The following LDLRAD4 variants were observed in gnomAD, a reference collection of about 807,000 sequenced individuals.
LDLRAD4 encodes the protein low-density lipoprotein receptor class A domain-containing protein 4.
Under a neutral mutation model 17.0 loss-of-function variants are expected in LDLRAD4, and 5 were observed. That is an observed-to-expected ratio of 0.29 (90% CI 0.15 to 0.62). The LOEUF (loss-of-function observed/expected upper bound fraction) is 0.62. LDLRAD4 is among the 20% of genes least tolerant of loss of function. The pLI is 0.84. For synonymous variants in LDLRAD4, 168 were observed against 171.8 expected (o/e 0.98, Z 0.17); for missense variants, 340 against 424.7 (o/e 0.80, Z 1.75).
At chr18:13,437,057 G>C (rs959661625) in intron 2 of LDLRAD4, among the ~76,000 whole-genome samples, 1 of 152,268 alleles carries the variant, frequency 6.6e-6, no homozygotes, top group African/African-American at 2.4e-5. Flanking sequence ...GGGCTCTCAT[G>C]GGGTAGCCCC....
chr18:13,462,058 C>A (rs11080656), intron 3 of LDLRAD4: 1 of 151,958 alleles, frequency 6.6e-6, no homozygotes, highest in Non-Finnish European at 1.5e-5. Flanking sequence ...TCCTATTCTC[C>A]TGCCTCATGG....
At chr18:13,469,899 G>C (rs1383330880) in intron 3 of LDLRAD4, among the ~76,000 whole-genome samples, 1 of 152,192 alleles carries the variant, frequency 6.6e-6, no homozygotes, top group African/African-American at 2.4e-5. Flanking sequence ...GGGATTTGGA[G>C]GCTGGCCTGG....
At chr18:13,425,829 A>G (rs959422726) in intron 2 of LDLRAD4, 2 of 152,514 alleles carry the variant, frequency 1.3e-5, no homozygotes, top group African/African-American at 4.8e-5. Context: ...GCATCAGTGA[A>G]TGAGTCTGTG....
At chr18:13,389,187 A>C (rs1398109843) in intron 2 of LDLRAD4, among the ~76,000 whole-genome samples, 1 of 152,052 alleles carries the variant, frequency 6.6e-6, no homozygotes, top group Non-Finnish European at 1.5e-5. Flanking sequence ...GTCCTTCCTC[A>C]TCCTTACTGT....
intron 3 of LDLRAD4, among the ~76,000 whole-genome samples, chr18:13,495,067 A>G (rs1453740503): frequency 1.3e-5 from 2 of 152,148 alleles, no homozygotes; most frequent in East Asian, 3.9e-4. Flanking sequence ...AAGTTTTCAC[A>G]GTGAGTGAAT....
intron 3 of LDLRAD4, among the ~76,000 whole-genome samples, chr18:13,609,167 A>T (rs942177770): frequency 6.6e-6 from 1 of 152,238 alleles, no homozygotes; most frequent in Non-Finnish European, 1.5e-5. Context: ...TCCCTCTCCC[A>T]TGCCCTTCTG....
chr18:13,530,478 C>T (rs576378060), intron 3 of LDLRAD4, among the ~76,000 whole-genome samples: 33 of 152,320 alleles, frequency 2.2e-4, no homozygotes, highest in African/African-American at 6.3e-4. Context: ...TCTTGGGCAG[C>T]GTGTCCTTCT....
chr18:13,229,678 G>A (rs2041975564), intron 1 of LDLRAD4, among the ~76,000 whole-genome samples: 2 of 152,210 alleles, frequency 1.3e-5, no homozygotes, highest in African/African-American at 2.4e-5. Flanking sequence ...AGGCCCAGAG[G>A]TGGTGGCTCT....
At chr18:13,443,383 C>A (rs1222500979) in intron 3 of LDLRAD4, among the ~76,000 whole-genome samples, 1 of 152,158 alleles carries the variant, frequency 6.6e-6, no homozygotes, top group Non-Finnish European at 1.5e-5. Context: ...GGCTCATAAC[C>A]ACATAGCCAC....
At chr18:13,636,682 TAG>T (rs2042112280) in intron 4 of LDLRAD4, among the ~76,000 whole-genome samples, 1 of 152,030 alleles carries the variant, frequency 6.6e-6, no homozygotes, top group Non-Finnish European at 1.5e-5. Context: ...GTATTTTTAG[TAG>T]AGACGGTTTT....
At chr18:13,401,899 T>C (rs1009380055) in intron 2 of LDLRAD4, among the ~76,000 whole-genome samples, 3 of 152,158 alleles carry the variant, frequency 2.0e-5, no homozygotes, top group Non-Finnish European at 4.4e-5. Flanking sequence ...CTGACTTCCC[T>C]GCTGGAAGTT....
At chr18:13,431,915 C>T (rs1259612228) in intron 2 of LDLRAD4, among the ~76,000 whole-genome samples, 4 of 152,146 alleles carry the variant, frequency 2.6e-5, no homozygotes, top group East Asian at 1.9e-4. Context: ...AGTTTATGAA[C>T]GGGAATGTCA....
chr18:13,290,175 C>T (rs1305375839), intron 1 of LDLRAD4, among the ~76,000 whole-genome samples: 1 of 152,230 alleles, frequency 6.6e-6, no homozygotes, highest in Admixed American at 6.5e-5. Context: ...TATTGTCAAA[C>T]TAGATGATTC....
intron 3 of LDLRAD4, among the ~76,000 whole-genome samples, chr18:13,564,179 G>A (rs540404033): frequency 4.6e-5 from 7 of 152,296 alleles, no homozygotes; most frequent in South Asian, 4.1e-4. Flanking sequence ...GACAGGCTCC[G>A]GCATAGGCCA....
intron 3 of LDLRAD4, among the ~76,000 whole-genome samples, chr18:13,582,340 G>A (rs767153094): frequency 6.6e-6 from 1 of 152,254 alleles, no homozygotes. Flanking sequence ...TGGACCATAA[G>A]TGGGCATCCC....
chr18:13,466,461 C>A lies in LDLRAD4; in HGVS notation c.181+28077C>A, dbSNP rs1314728282. Among the ~76,000 whole-genome samples the A allele has an allele frequency of 1.0e-3, 124 of 119,730 alleles. 2 individuals carry two copies. The Admixed American group carries it at 0.012, about 11-fold the overall frequency. 78.5% of individuals were successfully genotyped at this position (119,730 alleles called of 152,430 possible). On this transcript the variant is annotated intron_variant, in intron 3 of 5. Transcript: ENST00000359446. ...CTCCAGCCTGGGTCACAGAGTGAGA[C>A]CTTGTTTCACCAAAAAAAAAAAAAA...
At chr18:13,572,796 G>T (rs759040147) in intron 3 of LDLRAD4, among the ~76,000 whole-genome samples, 5 of 152,342 alleles carry the variant, frequency 3.3e-5, no homozygotes, top group Non-Finnish European at 7.3e-5. Flanking sequence ...TTTTACGGGG[G>T]TTCCTCACAG....
At chr18:13,329,548 G>A (rs2081734676) in intron 1 of LDLRAD4, among the ~76,000 whole-genome samples, 1 of 152,096 alleles carries the variant, frequency 6.6e-6, no homozygotes, top group Non-Finnish European at 1.5e-5. Flanking sequence ...TTCCTTTTGT[G>A]ACTTCTGCAT....
exon 2 of LDLRAD4, chr18:13,387,701 A>G: frequency 6.2e-7 from 1 of 1,613,512 alleles, no homozygotes; most frequent in Non-Finnish European, 8.5e-7. Context: ...GAGTTGGAGC[A>G]CAGGCTTGTC....
Sources: allele counts gnomAD v4.1 joint callset (sites outside exome capture counted in the v4.1 genomes callset), GRCh38; gene constraint gnomAD v4.1.1; transcripts MANE v1.5; gene names NCBI Gene and HGNC (gene_info 2026-07-23, HGNC 2026-07-21).